PODN: variants seen among roughly 807,000 people sequenced by gnomAD.
PODN encodes the protein podocan, also known as podocan proteoglycan.
Under a neutral mutation model 52.7 loss-of-function variants are expected in PODN, and 40 were observed. The observed-to-expected ratio is 0.76, with a 90% CI of 0.59 to 0.99. PODN has a LOEUF of 0.99. PODN is among the 50% of genes least tolerant of loss of function. The pLI, the probability that PODN is intolerant of heterozygous loss-of-function variation, is 0.00. For synonymous variants in PODN, 396 were observed against 377.9 expected, an observed-to-expected ratio of 1.05 and a Z score of -0.56; for missense variants, 720 against 815.1, an observed-to-expected ratio of 0.88 and a Z score of 1.42.
At position 53,074,541 on chromosome 1, in the gene PODN, G is replaced by C. The variant is rs375212857; in HGVS notation, c.407-65G>C. 8.8e-6 allele frequency: 14 copies of C among 1,583,096 alleles called. No individual in the cohort carries two copies. In the South Asian group the frequency reaches 1.5e-4, roughly 17 times the overall value. The stretch of plus-strand genomic sequence containing the variant: ...AGGCGGGTGGGGGAGGAGGGTGGGC[G>C]CTTGCTGTGCTTCCCTGTGGCGTCT... On this transcript the variant is annotated intron_variant, in intron 3 of 10. Coordinates refer to ENST00000312553, the MANE Select transcript of PODN (RefSeq NM_153703.5).
rs764259810 is a variant in PODN at position 53,082,055 on chromosome 1, T to A, written c.1736T>A (p.Ile579Asn). The change falls in exon 10 of 11, where the codon ATT becomes AAT. Residue 579 changes from isoleucine to asparagine, a missense_variant. Physicochemically the swap from Ile to Asn is moderately radical, Grantham distance 149 (BLOSUM62 -3). Transcript: ENST00000312553. ...CTGAAGCACCTGCAGGTCTTGGACA[T>A]TGAAGGCAACTTAGAGTTTGGTGAC... ...RRLKHLQVLD[I>N]EGNLEFGDIS... 1 of 1,613,710 alleles carries A rather than the reference T, an allele frequency of 6.2e-7. No individual in the cohort carries two copies.
intron 3 of PODN, among the ~76,000 whole-genome samples, chr1:53,073,948 G>T (rs201100342): frequency 6.6e-6 from 1 of 152,242 alleles, no homozygotes; most frequent in East Asian, 1.9e-4. Context: ...CGGCTCAGCC[G>T]CCTCTCTCGT....
chr1:53,069,842 C>A lies in PODN; in HGVS notation c.-14C>A. 2 of 1,579,214 alleles carry A rather than the reference C, an allele frequency of 1.3e-6. No individual in the cohort carries two copies. Among genetic ancestry groups the A allele is most frequent in the African/African-American group, 1.3e-5 (1 of 74,262 alleles). ...CGCCCAGGCGCATCTGACTCGGCAC[C>A]CCCTGCAGGCACCATGGCCCAGAGC... is the stretch of plus-strand genomic sequence containing the variant. On this transcript the variant is annotated 5_prime_UTR_variant, in exon 2 of 11. Transcript: ENST00000312553.
chr1:53,073,101 T>A, intron 3 of PODN: 1 of 225,190 alleles, frequency 4.4e-6, no homozygotes, highest in Non-Finnish European at 9.5e-6. Flanking sequence ...CAAGACAGCA[T>A]CTCTCCTTCT....
chr1:53,077,099 C>A (rs1572271128), intron 5 of PODN, 91 bp from the exon 6 acceptor site: 3 of 1,471,964 alleles, frequency 2.0e-6, no homozygotes, highest in Non-Finnish European at 2.8e-6. Flanking sequence ...GGAAGGAGAG[C>A]AGCCTGGGCA....
rs368211463 is a variant in PODN, at chr1:53,071,528, C to G, written c.313-7C>G. On this transcript the variant is annotated splice_region_variant and splice_polypyrimidine_tract_variant and intron_variant, in intron 2 of 10. Transcript: ENST00000312553. ...TGCTGCTTCCTTGCGGCCCCCTACCCCCCTAGAACAACCAGCTGGAAAAGA... is the reference window on the plus strand; with the variant it reads ...TGCTGCTTCCTTGCGGCCCCCTACCGCCCTAGAACAACCAGCTGGAAAAGA... The G allele has an allele frequency of 1.6e-5, 25 of 1,612,182 alleles. No individual in the cohort carries two copies. The highest frequency in any genetic ancestry group is 2.7e-5 in the African/African-American group (2 of 74,820).
rs188732079 is a variant in PODN at position 53,078,651 on chromosome 1, C to T, written c.1141C>T (p.Arg381Cys). The T allele has an allele frequency of 1.1e-5, 18 of 1,613,092 alleles. No individual in the cohort carries two copies. The highest frequency in any genetic ancestry group is 1.6e-4 in the Middle Eastern group (1 of 6,062). Residue 381 changes from arginine (R) to cysteine (C), a missense_variant, in exon 8 of 11, where the codon CGC (arginine) becomes TGC (cysteine). Transcript: ENST00000312553. ...GCGCGTGCCCAGTGGCCTGCCTCGC[C>T]GCGTGCGCACCCTCATGATCCTGCA... ...LERVPSGLPR[R>C]VRTLMILHNQ...
chr1:53,083,964 C>T (rs1207272850), intron 10 of PODN, among the ~76,000 whole-genome samples: 2 of 152,064 alleles, frequency 1.3e-5, no homozygotes, highest in Admixed American at 1.3e-4. Context: ...GAAGAGGAAC[C>T]AGAGGGGGCT....
In PODN at chr1:53,077,649, C is replaced by T. The variant is rs377536616; in HGVS notation, c.739-36C>T. 4.8e-4 allele frequency: 749 copies of T among 1,575,422 alleles called. 2 individuals carry two copies. The African/African-American group carries it at 8.5e-3, about 18-fold the overall frequency. On this transcript the variant is annotated intron_variant, in intron 6 of 10. Transcript: ENST00000312553. ...AGGCCCTGACCTTGCCCTCGGCCCTCCCTCACAATCTCCTCCCTTCCCTTC... is the reference window on the plus strand; with the variant it reads ...AGGCCCTGACCTTGCCCTCGGCCCTTCCTCACAATCTCCTCCCTTCCCTTC...
At chr1:53,080,278 C>T (rs1644276077) in intron 8 of PODN, among the ~76,000 whole-genome samples, 1 of 152,202 alleles carries the variant, frequency 6.6e-6, no homozygotes, top group Non-Finnish European at 1.5e-5. Context: ...CAAGCAGCTC[C>T]CACTGCACCC....
intron 1 of PODN, among the ~76,000 whole-genome samples, chr1:53,068,807 TG>T: frequency 6.6e-6 from 1 of 152,064 alleles, no homozygotes; most frequent in South Asian, 2.1e-4. Context: ...ACGGGACTGC[TG>T]GGACAATGGC....
chr1:53,084,923 C>T lies in PODN; in HGVS notation c.*438C>T, dbSNP rs992934945. 1 of 152,558 alleles carries T rather than the reference C, an allele frequency of 6.6e-6. No individual in the cohort carries two copies. Among genetic ancestry groups the T allele is most frequent in the African/African-American group, 2.4e-5 (1 of 41,448 alleles). The allele number at this position is 152,558 out of a possible 1,614,324, so 9.5% of individuals were successfully genotyped here. The stretch of plus-strand genomic sequence containing the variant: ...GCACAAGTCATGTGCGAACAGCCCT[C>T]CAAAGCCTATGCCACAGACAGCTCT... On this transcript the variant is annotated 3_prime_UTR_variant, in exon 11 of 11. Coordinates refer to ENST00000312553, the MANE Select transcript of PODN (RefSeq NM_153703.5).
At position 53,078,888 on chromosome 1, in the gene PODN, C is replaced by T. The variant is rs141679025; in HGVS notation, c.1378C>T (p.Arg460Cys). ...AAATGTCCATGTGCTGAAGGTCAAGCGCAATGAGCTGGCTGCCTTGGCACG... is the reference window on the plus strand; with the variant it reads ...AAATGTCCATGTGCTGAAGGTCAAGTGCAATGAGCTGGCTGCCTTGGCACG... Reference protein sequence around the residue: ...PRNVHVLKVKRNELAALARGA... With the variant: ...PRNVHVLKVKCNELAALARGA... Residue 460 changes from arginine to cysteine, a missense_variant, in exon 8 of 11, where the codon CGC becomes TGC. Transcript: ENST00000312553. 2.1e-5 allele frequency: 34 copies of T among 1,611,090 alleles called. No individual in the cohort carries two copies. The highest frequency in any genetic ancestry group is 1.7e-4 in the African/African-American group (13 of 74,884).
chr1:53,083,283 CT>C (rs761003650), intron 10 of PODN, among the ~76,000 whole-genome samples: 6 of 152,188 alleles, frequency 3.9e-5, no homozygotes, highest in Non-Finnish European at 1.5e-5. Context: ...GCAAAGGCCT[CT>C]CGAGGGGAGC....
intron 1 of PODN, chr1:53,066,868 G>A (rs1293406282): frequency 6.5e-7 from 1 of 1,549,206 alleles, no homozygotes; most frequent in South Asian, 1.2e-5. Context: ...AGCCTGCCTG[G>A]TATGTGCACA....
rs953198564 is a variant in PODN at position 53,075,878 on chromosome 1, G to C, written c.488G>C (p.Arg163Pro). 1 of 1,601,574 alleles carries C rather than the reference G, an allele frequency of 6.2e-7. No homozygotes were observed. The highest frequency in any genetic ancestry group is 2.2e-5 in the East Asian group (1 of 44,652). The change falls in exon 5 of 11, where the codon CGC becomes CCC. Residue 163 changes from arginine to proline, a missense_variant. By Grantham distance (103) the Arg-to-Pro change is moderately radical. Transcript: ENST00000312553. ...LANNKLTLAP[R>P]FLPNALISVD... ...CCTTCCCAGCTGACCTTGGCACCCC[G>C]CTTCCTGCCAAACGCCCTGATCAGT...
intron 5 of PODN, 144 bp downstream of exon 5, chr1:53,076,115 A>C: frequency 1.5e-6 from 1 of 683,486 alleles, no homozygotes; most frequent in Non-Finnish European, 2.5e-6. Context: ...AGGGGCCCTA[A>C]CAGAGGAGGA....
intron 1 of PODN, among the ~76,000 whole-genome samples, chr1:53,069,352 G>T (rs950454032): frequency 3.9e-5 from 6 of 152,250 alleles, no homozygotes; most frequent in African/African-American, 1.4e-4. Flanking sequence ...TGAGGGGACA[G>T]TTGGAAGAGA....
At position 53,074,689 on chromosome 1, in the gene PODN, G is replaced by C; in HGVS notation, c.471+19G>C. The C allele has an allele frequency of 6.2e-7, 1 of 1,613,056 alleles. No homozygotes were observed. The highest frequency in any genetic ancestry group is 1.3e-5 in the African/African-American group (1 of 75,012). On this transcript the variant is annotated intron_variant, in intron 4 of 10. Transcript: ENST00000312553. Reference sequence around the variant, plus strand: ...TAACAAGGTGAGGGGCTTGAGGCAGGGTGGGGGGTTGCTGCCCTGTCCTCT... The same window carrying C: ...TAACAAGGTGAGGGGCTTGAGGCAGCGTGGGGGGTTGCTGCCCTGTCCTCT...
Sources: allele counts gnomAD v4.1 joint callset (sites outside exome capture counted in the v4.1 genomes callset), GRCh38; gene constraint gnomAD v4.1.1; transcripts MANE v1.5; gene names NCBI Gene and HGNC (gene_info 2026-07-23, HGNC 2026-07-21).